BRINP3: variants seen among roughly 807,000 people sequenced by gnomAD.
BRINP3 encodes BMP/retinoic acid-inducible neural-specific protein 3.
In BRINP3, 19 loss-of-function variants were observed where a neutral mutation model predicts 71.0. That is an observed-to-expected ratio of 0.27 (90% CI 0.19 to 0.39). The LOEUF is 0.39. Ranked by LOEUF, BRINP3 falls within the 10% of genes least tolerant of loss-of-function variation. The pLI is 1.00. For missense variants in BRINP3, 959 were observed against 940.8 expected (o/e 1.02, Z -0.25); for synonymous variants, 380 against 337.7 (o/e 1.13, Z -1.37).
chr1:190,277,844 A>G (rs1440406877), intron 3 of BRINP3, among the ~76,000 whole-genome samples: 1 of 151,780 alleles, frequency 6.6e-6, no homozygotes, highest in Admixed American at 6.6e-5. Context: ...ATATTCAAAC[A>G]GTGATGGAAT....
chr1:190,149,176 CTAGT>C (rs1434240329), intron 7 of BRINP3, among the ~76,000 whole-genome samples: 3 of 152,182 alleles, frequency 2.0e-5, no homozygotes, highest in African/African-American at 4.8e-5. Context: ...TAGCTAATAA[CTAGT>C]TAAACATGAC....
At chr1:190,164,413 G>A (rs1322305202) in intron 6 of BRINP3, among the ~76,000 whole-genome samples, 1 of 152,062 alleles carries the variant, frequency 6.6e-6, no homozygotes, top group Non-Finnish European at 1.5e-5. Context: ...CAGGACTATG[G>A]ATAGGGAGTA....
chr1:190,428,725 A>G (rs2102495044), intron 2 of BRINP3, among the ~76,000 whole-genome samples: 1 of 152,252 alleles, frequency 6.6e-6, no homozygotes, highest in South Asian at 2.1e-4. Context: ...ACTTACCTTG[A>G]TTTGATCTTT....
At chr1:190,358,476 C>G (rs1668894091) in intron 2 of BRINP3, among the ~76,000 whole-genome samples, 1 of 152,120 alleles carries the variant, frequency 6.6e-6, no homozygotes, top group Non-Finnish European at 1.5e-5. Flanking sequence ...CATCTCACAC[C>G]AGTTAGAATC....
intron 2 of BRINP3, among the ~76,000 whole-genome samples, chr1:190,336,702 A>C (rs1667303123): frequency 6.6e-6 from 1 of 152,024 alleles, no homozygotes. Context: ...CTTTCTACAG[A>C]ATCTATGGCT....
At chr1:190,276,222 T>C (rs1250386441) in intron 3 of BRINP3, among the ~76,000 whole-genome samples, 2 of 151,540 alleles carry the variant, frequency 1.3e-5, no homozygotes, top group African/African-American at 4.8e-5. Context: ...AAATAAATTA[T>C]TTATGTGTGT....
chr1:190,154,685 T>C (rs1656709871), intron 7 of BRINP3, among the ~76,000 whole-genome samples: 1 of 152,164 alleles, frequency 6.6e-6, no homozygotes, highest in Non-Finnish European at 1.5e-5. Flanking sequence ...TACTGCATCT[T>C]AATCTTCAGT....
intron 3 of BRINP3, among the ~76,000 whole-genome samples, chr1:190,267,985 C>T (rs1008060929): frequency 3.9e-5 from 6 of 152,046 alleles, no homozygotes; most frequent in Non-Finnish European, 8.8e-5. Context: ...TCATCATATA[C>T]AATATATTTT....
intron 6 of BRINP3, among the ~76,000 whole-genome samples, chr1:190,220,274 C>A (rs1222435765): frequency 6.6e-6 from 1 of 152,038 alleles, no homozygotes; most frequent in Non-Finnish European, 1.5e-5. Context: ...CCATCATTCT[C>A]AGCTAACTAT....
intron 7 of BRINP3, among the ~76,000 whole-genome samples, chr1:190,150,266 ATGTG>A (rs10640861): frequency 2.3e-4 from 29 of 128,190 alleles, no homozygotes; most frequent in East Asian, 1.2e-3. Context: ...GTGCATATCT[ATGTG>A]TGTGTGTGTG....
At chr1:190,279,383 A>G (rs1415754457) in intron 3 of BRINP3, among the ~76,000 whole-genome samples, 1 of 151,732 alleles carries the variant, frequency 6.6e-6, no homozygotes, top group Non-Finnish European at 1.5e-5. Flanking sequence ...ATTTATACTA[A>G]CCTTTCTATG....
intron 5 of BRINP3, among the ~76,000 whole-genome samples, chr1:190,232,741 A>G (rs950454068): frequency 6.6e-6 from 1 of 152,152 alleles, no homozygotes; most frequent in Non-Finnish European, 1.5e-5. Context: ...ATAGTAATTC[A>G]GACACAAATC....
intron 2 of BRINP3, among the ~76,000 whole-genome samples, chr1:190,356,892 C>T (rs545586298): frequency 6.6e-6 from 1 of 151,968 alleles, no homozygotes; most frequent in Admixed American, 6.6e-5. Context: ...TGGTTGACTT[C>T]AGTAATTTCA....
At position 190,099,115 on chromosome 1, in the gene BRINP3, T is replaced by G. The variant is rs1651463491; in HGVS notation, c.1204A>C (p.Thr402Pro). The G allele has an allele frequency of 6.2e-7, 1 of 1,613,766 alleles. No homozygotes were observed. The highest frequency in any genetic ancestry group is 1.3e-5 in the African/African-American group (1 of 75,036). ...CAGTAGAGAAAAGACTGGATGCGAGTAAGCCAGTAGGTTGAGGTTCTAGAA... is the reference window on the plus strand; with the variant it reads ...CAGTAGAGAAAAGACTGGATGCGAGGAAGCCAGTAGGTTGAGGTTCTAGAA... ...PRQRTSTYWL[T>P]RIQSFLYCNE... Residue 402 changes from threonine (T) to proline (P), a missense_variant, in exon 8 of 8, where the codon ACT (threonine) becomes CCT (proline). Physicochemically the swap from Thr to Pro is conservative, Grantham distance 38. Transcript: ENST00000367462.
In BRINP3 at chr1:190,098,102, C is replaced by A; in HGVS notation, c.2217G>T (p.Val739=). The A allele has an allele frequency of 6.2e-7, 1 of 1,614,152 alleles. No individual in the cohort carries two copies. Among genetic ancestry groups the A allele is most frequent in the African/African-American group, 1.3e-5 (1 of 75,034 alleles). Residue 739 remains valine, a synonymous_variant, in exon 8 of 8, where the codon GTG becomes GTT. Coordinates refer to ENST00000367462, the MANE Select transcript of BRINP3 (RefSeq NM_199051.3). ...RHRLKLSTSE[V]VRIQSALQAF... ...CCTGCAGAGCAGATTGGATCCTCAC[C>A]ACCTCACTAGTAGACAGCTTGAGTC...
At chr1:190,283,082 T>G (rs1407768304) in intron 2 of BRINP3, among the ~76,000 whole-genome samples, 3 of 151,968 alleles carry the variant, frequency 2.0e-5, no homozygotes, top group Non-Finnish European at 4.4e-5. Flanking sequence ...GTGGCACATA[T>G]TTGACAAACA....
rs71637233 is a variant in BRINP3, at chr1:190,448,394, A to G, written c.236+6261T>C. Among the ~76,000 whole-genome samples, 458 of 151,736 alleles carry G rather than the reference A, an allele frequency of 3.0e-3. 2 individuals are homozygous for G. Among genetic ancestry groups the G allele is most frequent in the Non-Finnish European group, 3.6e-3 (242 of 67,720 alleles). On this transcript the variant is annotated intron_variant, in intron 2 of 7. Coordinates refer to ENST00000367462, the MANE Select transcript of BRINP3 (RefSeq NM_199051.3). Reference sequence around the variant, plus strand: ...ACATATTTAGTGCACAAAATTCCATATATCAGTACAATTGCACTAAATTCT... The same window carrying G: ...ACATATTTAGTGCACAAAATTCCATGTATCAGTACAATTGCACTAAATTCT...
intron 7 of BRINP3, among the ~76,000 whole-genome samples, chr1:190,155,769 TC>T (rs1237554514): frequency 4.0e-5 from 6 of 151,882 alleles, no homozygotes; most frequent in African/African-American, 1.2e-4. Context: ...GTATAGCACT[TC>T]CCCCCTAGCT....
At chr1:190,278,973 G>T (rs551182296) in intron 3 of BRINP3, among the ~76,000 whole-genome samples, 1 of 151,654 alleles carries the variant, frequency 6.6e-6, no homozygotes, top group Admixed American at 6.6e-5. Flanking sequence ...TTGGAACTAA[G>T]GAACAAGAAT....
Sources: allele counts gnomAD v4.1 joint callset (sites outside exome capture counted in the v4.1 genomes callset), GRCh38; gene constraint gnomAD v4.1.1; transcripts MANE v1.5; gene names NCBI Gene and HGNC (gene_info 2026-07-23, HGNC 2026-07-21).